Variants in ANO5 observed in about 807,000 individuals in gnomAD.
ANO5 encodes anoctamin-5.
ANO5 carries 109 observed loss-of-function variants against 121.0 expected under a neutral mutation model. The ratio of observed to expected loss-of-function variants is 0.90; its 90% CI spans 0.77 to 1.06. ANO5 has a LOEUF of 1.06. Among genes scored for constraint, ANO5 ranks in the 50% least tolerant of loss-of-function variants. The pLI, the probability that ANO5 is intolerant of heterozygous loss-of-function variation, is 0.00. For synonymous variants in ANO5, 406 were observed against 359.9 expected (o/e 1.13, Z -1.45); for missense variants, 1,064 against 1,078.5 (o/e 0.99, Z 0.19).
intron 9 of ANO5, among the ~76,000 whole-genome samples, chr11:22,247,277 G>C (rs1229330274): frequency 6.6e-6 from 1 of 152,092 alleles, no homozygotes; most frequent in Non-Finnish European, 1.5e-5. Context: ...AAGAAGATTT[G>C]AATGTTCACC....
At position 22,282,477 on chromosome 11, in the gene ANO5, C is replaced by G. The variant is rs548221437; in HGVS notation, c.*2712C>G. ...TAACCAAGCCATTATGCAAAGTTAT[C>G]AAAGAAGAGGAGAAGGAAAGGAGGA... On this transcript the variant is annotated 3_prime_UTR_variant, in exon 22 of 22. Transcript: ENST00000324559. 6.6e-6 allele frequency: 1 copy of G among 152,120 alleles called. No individual in the cohort carries two copies. Among genetic ancestry groups the G allele is most frequent in the African/African-American group, 2.4e-5 (1 of 41,514 alleles). The allele number at this position is 152,120 out of a possible 1,614,324, so 9.4% of individuals were successfully genotyped here.
At chr11:22,223,029 C>T (rs1414794346) in intron 5 of ANO5, among the ~76,000 whole-genome samples, 2 of 152,120 alleles carry the variant, frequency 1.3e-5, no homozygotes, top group Admixed American at 1.3e-4. Flanking sequence ...ATCTGTCCAT[C>T]CACCAGGAGT....
intron 16 of ANO5, 137 bp from the exon 17 acceptor site, chr11:22,262,809 A>G (rs1295454062): frequency 6.9e-6 from 5 of 722,964 alleles, no homozygotes; most frequent in East Asian, 5.4e-5. Flanking sequence ...GTTTGGAACT[A>G]TTGGGCTAAA....
At chr11:22,272,668 G>T in intron 18 of ANO5, 116 bp from the exon 19 acceptor site, 1 of 936,212 alleles carries the variant, frequency 1.1e-6, no homozygotes, top group South Asian at 1.4e-5. Context: ...TGGAAGCCTG[G>T]ATTGTCGTAT....
chr11:22,255,346 T>C (rs1203798468), intron 12 of ANO5, 25 bp from the exon 13 acceptor site: 1 of 1,526,430 alleles, frequency 6.6e-7, no homozygotes, highest in East Asian at 2.4e-5. Context: ...TAATATCTTT[T>C]TTTTATATAT....
chr11:22,247,020 A>G (rs1415076093), intron 9 of ANO5, among the ~76,000 whole-genome samples: 1 of 152,098 alleles, frequency 6.6e-6, no homozygotes, highest in African/African-American at 2.4e-5. Flanking sequence ...CCTAACATGA[A>G]TTTGTTTGCA....
intron 18 of ANO5, among the ~76,000 whole-genome samples, chr11:22,272,154 G>A (rs935533409): frequency 1.3e-5 from 2 of 152,102 alleles, no homozygotes; most frequent in Non-Finnish European, 2.9e-5. Flanking sequence ...TAAAAATGTG[G>A]AGATAAGCCA....
chr11:22,277,594 A>G (rs1854912615), intron 21 of ANO5, among the ~76,000 whole-genome samples: 1 of 151,414 alleles, frequency 6.6e-6, no homozygotes, highest in African/African-American at 2.4e-5. Context: ...TTATATTCTG[A>G]ACATATTTCT....
At position 22,276,124 on chromosome 11, in the gene ANO5, C is replaced by A; in HGVS notation, c.2445C>A (p.Asp815Glu). The change falls in exon 21 of 22, where the codon GAC becomes GAA. Residue 815 changes from aspartate to glutamate, a missense_variant. Physicochemically the swap from Asp to Glu is conservative, Grantham distance 45. Coordinates refer to ENST00000324559, the MANE Select transcript of ANO5 (RefSeq NM_213599.3). ...RYRDYRYPPD[D>E]ENKYFHNMQF... The stretch of plus-strand genomic sequence containing the variant: ...GAGATTACAGATATCCTCCTGATGA[C>A]GAGAATAAATATTTTCATAATATGC... The A allele has an allele frequency of 6.2e-7, 1 of 1,610,028 alleles. No individual in the cohort carries two copies. The highest frequency in any genetic ancestry group is 1.7e-5 in the Admixed American group (1 of 59,800).
chr11:22,274,802 T>C, intron 20 of ANO5, 55 bp downstream of exon 20: 1 of 1,574,936 alleles, frequency 6.3e-7, no homozygotes. Flanking sequence ...AGCGTATTTC[T>C]TAAGTTATCT....
rs1855117949 is a variant in ANO5 at position 22,282,536 on chromosome 11, G to T, written c.*2771G>T. On this transcript the variant is annotated 3_prime_UTR_variant, in exon 22 of 22. Transcript: ENST00000324559. ...AGTGACGGGAAATGAGAAAGAAGAGGAGTGAGGAAACAGTTATTTCCTTAT... is the reference window on the plus strand; with the variant it reads ...AGTGACGGGAAATGAGAAAGAAGAGTAGTGAGGAAACAGTTATTTCCTTAT... The T allele has an allele frequency of 6.6e-6, 1 of 152,184 alleles. No individual in the cohort carries two copies. Among genetic ancestry groups the T allele is most frequent in the African/African-American group, 2.4e-5 (1 of 41,456 alleles). 9.4% of individuals were successfully genotyped at this position (152,184 alleles called of 1,614,324 possible).
intron 5 of ANO5, among the ~76,000 whole-genome samples, chr11:22,223,582 G>T (rs969437421): frequency 4.6e-5 from 7 of 151,962 alleles, no homozygotes; most frequent in African/African-American, 1.7e-4. Context: ...ATCAGTTCTG[G>T]GAGTGGAGGG....
intron 21 of ANO5, among the ~76,000 whole-genome samples, chr11:22,278,682 G>A (rs1385688935): frequency 1.3e-5 from 2 of 151,502 alleles, no homozygotes; most frequent in African/African-American, 2.4e-5. Flanking sequence ...GGTTGATAAC[G>A]TAGTGAGCTG....
At chr11:22,273,930 C>T (rs148196518) in intron 19 of ANO5, among the ~76,000 whole-genome samples, 176 of 151,736 alleles carry the variant, frequency 1.2e-3, no homozygotes, top group African/African-American at 4.0e-3. Context: ...ATAGAAGTTA[C>T]ATTAGATTTT....
intron 17 of ANO5, among the ~76,000 whole-genome samples, chr11:22,267,647 A>G (rs1322376063): frequency 6.8e-6 from 1 of 147,602 alleles, no homozygotes. Context: ...TCAGAGGTAC[A>G]TGTGCAGATT....
At chr11:22,250,491 A>G (rs1382005663) in intron 10 of ANO5, 120 bp downstream of exon 10, 2 of 1,405,936 alleles carry the variant, frequency 1.4e-6, no homozygotes, top group African/African-American at 2.9e-5. Context: ...CAGATAATCG[A>G]TATTTTCCAA....
chr11:22,244,432 T>C (rs1395655312), intron 9 of ANO5, among the ~76,000 whole-genome samples: 1 of 152,126 alleles, frequency 6.6e-6, no homozygotes, highest in Non-Finnish European at 1.5e-5. Context: ...AATTTGTATA[T>C]CAATTTCTGG....
Position 22,274,664 on chromosome 11 carries a change from G to A in ANO5, c.2331G>A (p.Val777=), listed in dbSNP as rs780695828. 6.2e-7 allele frequency: 1 copy of A among 1,613,362 alleles called. No individual in the cohort carries two copies. Among genetic ancestry groups the A allele is most frequent in the South Asian group, 1.1e-5 (1 of 91,064 alleles). ...TNATQPMTGY[V]NNSLSVFLIA... ...CCACACAGCCTATGACAGGATATGT[G>A]AATAATAGCCTGTCAGTATTCCTGA... Residue 777 remains valine (V), a synonymous_variant, in exon 20 of 22, where the codon GTG becomes GTA. Coordinates refer to ENST00000324559, the MANE Select transcript of ANO5 (RefSeq NM_213599.3).
intron 3 of ANO5, among the ~76,000 whole-genome samples, chr11:22,217,987 T>A (rs979460634): frequency 1.2e-4 from 18 of 151,982 alleles, no homozygotes; most frequent in Admixed American, 1.1e-3. Context: ...TATTTATTAT[T>A]TTTAGTCACT....
Sources: gnomAD v4.1 joint callset for allele counts (sites outside exome capture counted in the v4.1 genomes callset) on GRCh38, gnomAD v4.1.1 for gene constraint, MANE v1.5 for transcripts, NCBI Gene and HGNC (gene_info 2026-07-23, HGNC 2026-07-21) for gene names.